The following ADAMTS17 variants were observed in gnomAD, a reference collection of about 807,000 sequenced individuals.
ADAMTS17 encodes ADAM metallopeptidase with thrombospondin type 1 motif 17.
In ADAMTS17, 113 loss-of-function variants were observed where a neutral mutation model predicts 141.5. The ratio of observed to expected loss-of-function variants is 0.80; its 90% CI spans 0.69 to 0.93. The LOEUF (loss-of-function observed/expected upper bound fraction) is 0.93, where lower values mean the gene tolerates loss of function less well. Among genes scored for constraint, ADAMTS17 ranks in the 40% least tolerant of loss-of-function variants. The probability of loss-of-function intolerance (pLI) is 0.00; values close to 1 mark genes in which losing one functional copy is unlikely to be tolerated. For missense variants in ADAMTS17, 1,659 were observed against 1,517.9 expected (o/e 1.09, Z -1.54); for synonymous variants, 768 against 630.6 (o/e 1.22, Z -3.27).
chr15:100,134,914 C>T (rs921333956), intron 10 of ADAMTS17, among the ~76,000 whole-genome samples: 1 of 152,330 alleles, frequency 6.6e-6, no homozygotes, highest in Non-Finnish European at 1.5e-5. Context: ...CCCAGTGCAG[C>T]ACAGCTGGTC....
intron 7 of ADAMTS17, among the ~76,000 whole-genome samples, chr15:100,208,838 T>C (rs2041681275): frequency 6.6e-6 from 1 of 152,168 alleles, no homozygotes; most frequent in Admixed American, 6.5e-5. Context: ...CTTTGGTATA[T>C]CCAAGGGTCA....
chr15:100,010,643 A>G (rs1216595503), intron 18 of ADAMTS17, among the ~76,000 whole-genome samples: 1 of 152,220 alleles, frequency 6.6e-6, no homozygotes, highest in Non-Finnish European at 1.5e-5. Flanking sequence ...CTCCTGGCAG[A>G]TGACAGCCAG....
chr15:100,218,533 T>C (rs753518550), intron 7 of ADAMTS17, among the ~76,000 whole-genome samples: 4 of 152,174 alleles, frequency 2.6e-5, no homozygotes, highest in Non-Finnish European at 4.4e-5. Context: ...AATAAGATAC[T>C]ACTTCACACC....
intron 15 of ADAMTS17, among the ~76,000 whole-genome samples, chr15:100,070,305 A>AC (rs1465218195): frequency 1.3e-5 from 2 of 149,848 alleles, no homozygotes; most frequent in Admixed American, 1.3e-4. Flanking sequence ...AGACTTTAAC[A>AC]CCCCACTGTC....
At chr15:100,273,204 C>T (rs960901533) in intron 4 of ADAMTS17, among the ~76,000 whole-genome samples, 27 of 152,100 alleles carry the variant, frequency 1.8e-4, no homozygotes, top group African/African-American at 6.3e-4. Context: ...CAGGGAATGC[C>T]AGTCTCACAG....
intron 4 of ADAMTS17, among the ~76,000 whole-genome samples, chr15:100,279,393 C>T (rs1233605618): frequency 6.6e-6 from 1 of 152,240 alleles, no homozygotes; most frequent in Admixed American, 6.5e-5. Flanking sequence ...ACCTTGGCTG[C>T]AGCTGGCCCA....
At chr15:100,324,058 A>G (rs1208483525) in intron 3 of ADAMTS17, among the ~76,000 whole-genome samples, 4 of 151,304 alleles carry the variant, frequency 2.6e-5, no homozygotes, top group Non-Finnish European at 5.9e-5. Flanking sequence ...GCATCCCAGC[A>G]CTTTGGGAGG....
intron 10 of ADAMTS17, among the ~76,000 whole-genome samples, chr15:100,151,168 G>A (rs2039144636): frequency 6.6e-6 from 1 of 152,202 alleles, no homozygotes; most frequent in African/African-American, 2.4e-5. Flanking sequence ...GCTGACATGG[G>A]TGACAGCTTC....
intron 3 of ADAMTS17, among the ~76,000 whole-genome samples, chr15:100,322,131 G>C (rs1404580082): frequency 6.6e-6 from 1 of 152,116 alleles, no homozygotes; most frequent in Non-Finnish European, 1.5e-5. Context: ...GTCAACACTT[G>C]GAAGACAGGA....
chr15:100,331,120 G>C lies in ADAMTS17; in HGVS notation c.451-66C>G, dbSNP rs533683944. 75 of 1,595,924 alleles carry C rather than the reference G, an allele frequency of 4.7e-5. No homozygotes were observed. In the South Asian group the frequency reaches 8.2e-4, roughly 17 times the overall value. On this transcript the variant is annotated intron_variant, in intron 2 of 21. Coordinates refer to ENST00000268070, the MANE Select transcript of ADAMTS17 (RefSeq NM_139057.4). ...CACTCACACACGCCCATGGCCCCCC[G>C]GAGGGGCAGGCAAGACCACCTTGCT...
intron 3 of ADAMTS17, among the ~76,000 whole-genome samples, chr15:100,320,380 G>A (rs2045696467): frequency 6.6e-6 from 1 of 152,198 alleles, no homozygotes; most frequent in African/African-American, 2.4e-5. Flanking sequence ...CCCAACAACA[G>A]TCCTGCACAG....
chr15:100,110,909 C>A (rs1037491620), intron 13 of ADAMTS17, among the ~76,000 whole-genome samples: 1 of 152,186 alleles, frequency 6.6e-6, no homozygotes, highest in Non-Finnish European at 1.5e-5. Context: ...AGGACTAAAC[C>A]ACCCCTGTGT....
At chr15:100,076,368 A>G (rs2034378815) in intron 15 of ADAMTS17, among the ~76,000 whole-genome samples, 1 of 152,110 alleles carries the variant, frequency 6.6e-6, no homozygotes. Flanking sequence ...TATCAAGGCT[A>G]CTGTTGATCA....
chr15:99,977,232 C>CATG (rs1396737119), intron 20 of ADAMTS17, among the ~76,000 whole-genome samples: 2 of 150,656 alleles, frequency 1.3e-5, no homozygotes, highest in Admixed American at 1.3e-4. Context: ...CCAGCCCCAG[C>CATG]ATGAGGAGGT....
At chr15:100,228,199 T>C (rs1461094843) in intron 7 of ADAMTS17, among the ~76,000 whole-genome samples, 1 of 152,322 alleles carries the variant, frequency 6.6e-6, no homozygotes, top group Admixed American at 6.5e-5. Context: ...TGACTCCTTC[T>C]CACAGTTCGG....
intron 7 of ADAMTS17, among the ~76,000 whole-genome samples, chr15:100,242,016 A>C (rs2042842768): frequency 6.6e-6 from 1 of 152,190 alleles, no homozygotes; most frequent in South Asian, 2.1e-4. Context: ...ATTGAGGTTA[A>C]AAACTCAGAG....
At chr15:100,084,573 C>A in intron 15 of ADAMTS17, among the ~76,000 whole-genome samples, 1 of 152,224 alleles carries the variant, frequency 6.6e-6, no homozygotes, top group East Asian at 1.9e-4. Flanking sequence ...CCCCGAGTAG[C>A]CTAAATGGGA....
intron 18 of ADAMTS17, among the ~76,000 whole-genome samples, chr15:100,033,927 T>C (rs1177421306): frequency 6.6e-6 from 1 of 152,220 alleles, no homozygotes; most frequent in African/African-American, 2.4e-5. Flanking sequence ...ACCACAGCCA[T>C]GGCTTCAGAG....
At chr15:100,263,822 T>C (rs2043614429) in intron 4 of ADAMTS17, among the ~76,000 whole-genome samples, 1 of 152,226 alleles carries the variant, frequency 6.6e-6, no homozygotes, top group African/African-American at 2.4e-5. Flanking sequence ...ACATTAAAAC[T>C]TTCTCCAGCA....
Sources: allele counts gnomAD v4.1 joint callset (sites outside exome capture counted in the v4.1 genomes callset), GRCh38; gene constraint gnomAD v4.1.1; transcripts MANE v1.5; gene names NCBI Gene and HGNC (gene_info 2026-07-23, HGNC 2026-07-21).